The following ME1 variants were observed in gnomAD, a reference collection of about 807,000 sequenced individuals.
ME1 encodes the protein malic enzyme 1, also known as NADP-dependent malic enzyme.
Under a neutral mutation model 66.4 loss-of-function variants are expected in ME1, and 74 were observed. The ratio of observed to expected loss-of-function variants is 1.11; its 90% CI spans 0.92 to 1.35. ME1 has a LOEUF of 1.35. ME1 is among the 40% of genes most tolerant of loss of function. The probability of loss-of-function intolerance (pLI) is 0.00; values close to 1 mark genes in which losing one functional copy is unlikely to be tolerated. For missense variants in ME1, 750 were observed against 694.1 expected (o/e 1.08, Z -0.90); for synonymous variants, 251 against 235.6 (o/e 1.07, Z -0.60).
At chr6:83,321,200 C>G (rs758003956) in intron 5 of ME1, among the ~76,000 whole-genome samples, 4 of 152,160 alleles carry the variant, frequency 2.6e-5, no homozygotes, top group African/African-American at 4.8e-5. Context: ...CCACAACAGC[C>G]CTGGGTTTCA....
At chr6:83,424,199 CA>C (rs1770325409) in intron 1 of ME1, among the ~76,000 whole-genome samples, 2 of 151,226 alleles carry the variant, frequency 1.3e-5, no homozygotes, top group Non-Finnish European at 2.9e-5. Context: ...CATATAACTA[CA>C]ACATAAATAG....
chr6:83,414,179 A>C (rs868327950), intron 1 of ME1, among the ~76,000 whole-genome samples: 68 of 151,426 alleles, frequency 4.5e-4, no homozygotes, highest in African/African-American at 7.3e-4. Context: ...TTTCCCCCCC[A>C]AAAAAAATCA....
intron 6 of ME1, among the ~76,000 whole-genome samples, chr6:83,310,182 C>T (rs1006858393): frequency 5.9e-5 from 9 of 152,236 alleles, no homozygotes; most frequent in Non-Finnish European, 8.8e-5. Flanking sequence ...TGCAAAGAGT[C>T]GTTTCACCAC....
chr6:83,275,066 G>A (rs1014709437), intron 6 of ME1, among the ~76,000 whole-genome samples: 2 of 152,162 alleles, frequency 1.3e-5, no homozygotes, highest in Non-Finnish European at 2.9e-5. Context: ...GGGCTCAGTG[G>A]CTTACGTCTG....
intron 6 of ME1, among the ~76,000 whole-genome samples, chr6:83,315,012 T>C (rs1252979535): frequency 6.6e-6 from 1 of 152,164 alleles, no homozygotes; most frequent in Non-Finnish European, 1.5e-5. Context: ...TTGCAGGTAA[T>C]TTAGTCACTG....
At chr6:83,379,364 T>C (rs892218087) in intron 3 of ME1, among the ~76,000 whole-genome samples, 6 of 152,086 alleles carry the variant, frequency 3.9e-5, no homozygotes, top group African/African-American at 1.4e-4. Flanking sequence ...GTGAGGACTT[T>C]CTTGAGAAAC....
intron 6 of ME1, among the ~76,000 whole-genome samples, chr6:83,312,137 G>A (rs1423888806): frequency 6.6e-6 from 1 of 152,142 alleles, no homozygotes; most frequent in Non-Finnish European, 1.5e-5. Flanking sequence ...TATCCACAGG[G>A]AACTACAGCC....
chr6:83,346,937 C>T (rs1028913835), intron 4 of ME1, among the ~76,000 whole-genome samples: 3 of 151,900 alleles, frequency 2.0e-5, no homozygotes, highest in African/African-American at 7.3e-5. Context: ...TTCCTTCCTT[C>T]CTTCTTTTAT....
chr6:83,302,675 T>C (rs1767749270), intron 6 of ME1, among the ~76,000 whole-genome samples: 1 of 152,142 alleles, frequency 6.6e-6, no homozygotes, highest in South Asian at 2.1e-4. Context: ...ACCTGAGTTA[T>C]GAAAGATAAG....
rs4706997 is a variant in ME1, at chr6:83,431,007, G to C, written c.-53C>G. ...CAGGCCGGGGCGGGCCGCACGCGCG[G>C]TGCAGGCGGCGGATGCTGCTGGGGT... On this transcript the variant is annotated 5_prime_UTR_variant, in exon 1 of 14. Coordinates refer to ENST00000369705, the MANE Select transcript of ME1 (RefSeq NM_002395.6). The C allele has an allele frequency of 8.2e-7, 1 of 1,226,902 alleles. No individual in the cohort carries two copies. 76.0% of individuals were successfully genotyped at this position (1,226,902 alleles called of 1,614,324 possible).
intron 6 of ME1, among the ~76,000 whole-genome samples, chr6:83,298,051 G>T (rs1767635441): frequency 6.6e-6 from 1 of 152,180 alleles, no homozygotes; most frequent in Non-Finnish European, 1.5e-5. Flanking sequence ...ATAATAGAAT[G>T]ATTTATATTG....
chr6:83,219,218 G>A lies in ME1; in HGVS notation c.1450-2622C>T, dbSNP rs550274863. Among the ~76,000 whole-genome samples, 83 of 152,304 alleles carry A rather than the reference G, an allele frequency of 5.4e-4. 1 individual carries two copies. The highest frequency in any genetic ancestry group is 8.8e-5 in the Non-Finnish European group (6 of 68,030). On this transcript the variant is annotated intron_variant, in intron 12 of 13. Coordinates refer to ENST00000369705, the MANE Select transcript of ME1 (RefSeq NM_002395.6). The stretch of plus-strand genomic sequence containing the variant: ...TATTAATTCTTGTTGTTCTGCAAAG[G>A]AGATGTGGCAGATTTAAATAATAAT...
intron 3 of ME1, among the ~76,000 whole-genome samples, chr6:83,362,506 G>A (rs1006241929): frequency 9.2e-5 from 14 of 152,184 alleles, no homozygotes; most frequent in African/African-American, 2.4e-4. Context: ...TGGCAGGGGC[G>A]GAGGTTACGT....
intron 6 of ME1, among the ~76,000 whole-genome samples, chr6:83,312,429 C>T (rs1021394666): frequency 3.3e-5 from 5 of 152,162 alleles, no homozygotes; most frequent in African/African-American, 4.8e-5. Flanking sequence ...AGACCCATAT[C>T]AAATCCTCAG....
At chr6:83,362,446 C>T (rs1769022844) in intron 3 of ME1, among the ~76,000 whole-genome samples, 1 of 152,192 alleles carries the variant, frequency 6.6e-6, no homozygotes, top group Non-Finnish European at 1.5e-5. Context: ...GCCTCTTTCC[C>T]CAGCCACCCC....
chr6:83,315,411 C>T lies in ME1; in HGVS notation c.603G>A (p.Glu201=), dbSNP rs1038363034. Residue 201 remains glutamate (E), a splice_region_variant and synonymous_variant, in exon 6 of 14, where the codon GAG becomes GAA. Transcript: ENST00000369705. Reference sequence around the variant, plus strand: ...CAATGTAGAGTGGATCTTTAAGTAACTCCTATTAAAAAAAGTTACCATAAA... The same window carrying T: ...CAATGTAGAGTGGATCTTTAAGTAATTCCTATTAAAAAAAGTTACCATAAA... The part of the protein sequence containing the change: ...VILDVGTENE[E]LLKDPLYIGL... 1.9e-6 allele frequency: 3 copies of T among 1,553,784 alleles called. No homozygotes were observed. Among genetic ancestry groups the T allele is most frequent in the Admixed American group, 3.7e-5 (2 of 54,076 alleles).
chr6:83,227,454 A>G lies in ME1; in HGVS notation c.1156T>C (p.Phe386Leu). 6.2e-7 allele frequency: 1 copy of G among 1,601,890 alleles called. No individual in the cohort carries two copies. Among genetic ancestry groups the G allele is most frequent in the Non-Finnish European group, 8.5e-7 (1 of 1,172,578 alleles). Residue 386 changes from phenylalanine (F) to leucine (L), a missense_variant, in exon 11 of 14, where the codon TTC (phenylalanine) becomes CTC (leucine). By Grantham distance (22) the Phe-to-Leu change is conservative. Coordinates refer to ENST00000369705, the MANE Select transcript of ME1 (RefSeq NM_002395.6). ...ATATCTTTGAGAATTTGTTCTGAGA[A>G]TGCACCACCAATTGCAGCAACTCCT... Reference protein sequence around the residue: ...LIGVAAIGGAFSEQILKDMAA... With the variant: ...LIGVAAIGGALSEQILKDMAA...
chr6:83,247,943 T>G (rs1790654749), intron 7 of ME1, among the ~76,000 whole-genome samples: 1 of 152,190 alleles, frequency 6.6e-6, no homozygotes, highest in Admixed American at 6.5e-5. Flanking sequence ...TAGGCCGAAT[T>G]AGTCGTGAAA....
intron 3 of ME1, among the ~76,000 whole-genome samples, chr6:83,369,671 C>CGAAG (rs796598711): frequency 0.21 from 14,994 of 71,702 alleles, 996 homozygotes; most frequent in Non-Finnish European, 0.24. Flanking sequence ...AAGGAAGGAA[C>CGAAG]GAAGGAAGGA....
Sources: gnomAD v4.1 joint callset for allele counts (sites outside exome capture counted in the v4.1 genomes callset) on GRCh38, gnomAD v4.1.1 for gene constraint, MANE v1.5 for transcripts, NCBI Gene and HGNC (gene_info 2026-07-23, HGNC 2026-07-21) for gene names.